ARHGAP32: variants seen among roughly 807,000 people sequenced by gnomAD.
ARHGAP32 encodes rho GTPase-activating protein 32.
A neutral mutation model predicts 186.5 loss-of-function variants in ARHGAP32; 51 were observed. The ratio of observed to expected loss-of-function variants is 0.27; its 90% CI spans 0.22 to 0.35. The LOEUF (loss-of-function observed/expected upper bound fraction) is 0.35, where lower values mean the gene tolerates loss of function less well. ARHGAP32 is among the 10% of genes least tolerant of loss of function. The pLI is 1.00. For missense variants in ARHGAP32, 2,186 were observed against 2,623.5 expected, an observed-to-expected ratio of 0.83 and a Z score of 3.64; for synonymous variants, 950 against 964.3, an observed-to-expected ratio of 0.99 and a Z score of 0.27.
intron 5 of ARHGAP32, among the ~76,000 whole-genome samples, chr11:129,097,100 T>C (rs1349875357): frequency 2.0e-5 from 3 of 150,972 alleles, no homozygotes; most frequent in African/African-American, 7.3e-5. Flanking sequence ...TAGATTCAAA[T>C]GTCCATTTTT....
At chr11:129,104,246 C>A (rs1941986356) in intron 5 of ARHGAP32, among the ~76,000 whole-genome samples, 1 of 151,786 alleles carries the variant, frequency 6.6e-6, no homozygotes, top group Admixed American at 6.6e-5. Flanking sequence ...AAATATTGAA[C>A]AAGAAATTCA....
At chr11:129,236,329 A>G (rs762631763) in intron 1 of ARHGAP32, among the ~76,000 whole-genome samples, 2 of 152,164 alleles carry the variant, frequency 1.3e-5, no homozygotes, top group Non-Finnish European at 2.9e-5. Flanking sequence ...AGTGATGTTG[A>G]GCATTTTTCC....
intron 2 of ARHGAP32, among the ~76,000 whole-genome samples, chr11:129,148,902 T>C (rs1318550776): frequency 2.0e-5 from 3 of 152,152 alleles, no homozygotes; most frequent in African/African-American, 7.2e-5. Flanking sequence ...CCCATTGGCC[T>C]GAGAACCACC....
chr11:129,003,403 C>A (rs983215772), intron 11 of ARHGAP32, among the ~76,000 whole-genome samples: 3 of 152,020 alleles, frequency 2.0e-5, no homozygotes, highest in Non-Finnish European at 4.4e-5. Flanking sequence ...TTGTAGAATT[C>A]GTTTGGAAGT....
chr11:129,064,563 C>T lies in ARHGAP32; in HGVS notation c.762+278G>A, dbSNP rs376420015. 6.6e-5 allele frequency among the ~76,000 whole-genome samples: 10 copies of T among 152,220 alleles called. No homozygotes were observed. The East Asian group carries it at 1.7e-3, about 26-fold the overall frequency. On this transcript the variant is annotated intron_variant, in intron 8 of 22. Transcript: ENST00000682385. ...TTACTAAGTCAACTAAAAAAATGTACACCTTGCTGAATATATACATTAGTA... is the reference window on the plus strand; with the variant it reads ...TTACTAAGTCAACTAAAAAAATGTATACCTTGCTGAATATATACATTAGTA...
At chr11:129,212,812 G>A (rs1944597463) in intron 1 of ARHGAP32, among the ~76,000 whole-genome samples, 1 of 151,614 alleles carries the variant, frequency 6.6e-6, no homozygotes, top group South Asian at 2.1e-4. Flanking sequence ...AATATCACAT[G>A]TACCCCATAA....
chr11:129,013,931 A>G (rs1165001349), intron 11 of ARHGAP32, among the ~76,000 whole-genome samples: 1 of 152,182 alleles, frequency 6.6e-6, no homozygotes, highest in Non-Finnish European at 1.5e-5. Flanking sequence ...TTACAAACCC[A>G]TTTCTACAGA....
At chr11:129,157,876 G>A (rs977776668) in intron 2 of ARHGAP32, among the ~76,000 whole-genome samples, 2 of 152,120 alleles carry the variant, frequency 1.3e-5, no homozygotes, top group African/African-American at 4.8e-5. Context: ...ACTGACAGCA[G>A]AGCTCTGCAG....
rs746824377 is a variant in ARHGAP32, at chr11:128,970,247, C to G, written c.4966G>C (p.Glu1656Gln). 6.2e-7 allele frequency: 1 copy of G among 1,614,126 alleles called. No homozygotes were observed. The highest frequency in any genetic ancestry group is 1.7e-5 in the Admixed American group (1 of 60,020). The change falls in exon 23 of 23, where the codon GAG (glutamate) becomes CAG (glutamine). Residue 1656 changes from glutamate to glutamine, a missense_variant. Transcript: ENST00000682385. This position sits in a 1 kb window ranked among gnomAD's most constrained non-coding sequence, Gnocchi z 5.8. ...YHVTQLQPYF[E>Q]NGRVHYRYSP... ...TACCTGTAGTGGACCCGGCCATTCT[C>G]AAAGTAAGGCTGAAGCTGAGTGACA... is the stretch of plus-strand genomic sequence containing the variant.
At chr11:129,005,148 AAC>A in intron 11 of ARHGAP32, among the ~76,000 whole-genome samples, 1 of 151,416 alleles carries the variant, frequency 6.6e-6, no homozygotes, top group South Asian at 2.1e-4. Context: ...AAAGAAAACT[AAC>A]AGACTGTATG....
At chr11:129,153,199 G>A (rs1378846912) in intron 2 of ARHGAP32, among the ~76,000 whole-genome samples, 1 of 150,998 alleles carries the variant, frequency 6.6e-6, no homozygotes, top group Admixed American at 6.6e-5. Flanking sequence ...ATCTCTACAA[G>A]GAAAACTGCA....
chr11:129,156,071 C>G (rs1458937199), intron 2 of ARHGAP32, among the ~76,000 whole-genome samples: 3 of 152,230 alleles, frequency 2.0e-5, no homozygotes, highest in Non-Finnish European at 4.4e-5. Context: ...AAATACTACG[C>G]TTTTCACATG....
chr11:129,135,149 G>A (rs973035893), intron 2 of ARHGAP32, among the ~76,000 whole-genome samples: 8 of 152,174 alleles, frequency 5.3e-5, no homozygotes, highest in Admixed American at 6.5e-5. Flanking sequence ...AATATTATCT[G>A]TAGACTTATC....
At chr11:128,990,099 T>C (rs147549687) in intron 12 of ARHGAP32, among the ~76,000 whole-genome samples, 127 of 152,298 alleles carry the variant, frequency 8.3e-4, no homozygotes, top group African/African-American at 3.0e-3. Context: ...CCAACCATGC[T>C]ATGACTTCTT....
rs1476783491 is a variant in ARHGAP32 at position 128,988,067 on chromosome 11, T to G, written c.1254A>C (p.Gly418=). The change falls in exon 13 of 23, where the codon GGA becomes GGC. Residue 418 remains glycine, a synonymous_variant. Coordinates refer to ENST00000682385, the MANE Select transcript of ARHGAP32 (RefSeq NM_001378024.1). ...AFIERYGIVD[G]IYRLSGVASN... ...AGGCAACACCAGAAAGGCGATAGAT[T>G]CCATCCACGATGCCATATCTCTCAA... 5.0e-6 allele frequency: 8 copies of G among 1,613,480 alleles called. No homozygotes were observed. Among genetic ancestry groups the G allele is most frequent in the Non-Finnish European group, 6.8e-6 (8 of 1,179,656 alleles).
Position 129,096,152 on chromosome 11 carries a change from A to C in ARHGAP32, c.445-2445T>G, listed in dbSNP as rs984217918. ...GAATTACAAAACACACAGATAAGCA[A>C]GCAAATGTGACACATGGTCATGAGA... On this transcript the variant is annotated intron_variant, in intron 5 of 22. Transcript: ENST00000682385. Among the ~76,000 whole-genome samples the C allele has an allele frequency of 3.3e-5, 5 of 152,206 alleles. No homozygotes were observed. The East Asian group carries it at 7.7e-4, about 23-fold the overall frequency.
chr11:129,110,580 G>A (rs755046105), intron 5 of ARHGAP32, among the ~76,000 whole-genome samples: 2 of 151,982 alleles, frequency 1.3e-5, no homozygotes, highest in Non-Finnish European at 2.9e-5. Context: ...GAGCATGGGA[G>A]GTCTCCATTT....
chr11:129,088,672 T>A (rs1941481654), intron 6 of ARHGAP32, among the ~76,000 whole-genome samples: 2 of 152,160 alleles, frequency 1.3e-5, no homozygotes, highest in South Asian at 4.1e-4. Flanking sequence ...TTCAATGACT[T>A]TGTAAAGGAA....
chr11:129,118,986 A>G (rs890408453), intron 5 of ARHGAP32, among the ~76,000 whole-genome samples: 4 of 152,058 alleles, frequency 2.6e-5, no homozygotes, highest in East Asian at 3.8e-4. Flanking sequence ...TATCTGTACT[A>G]ATTTTTACAG....
Sources: allele counts gnomAD v4.1 joint callset (sites outside exome capture counted in the v4.1 genomes callset), GRCh38; gene constraint gnomAD v4.1.1; non-coding constraint Gnocchi (gnomAD v3.1); transcripts MANE v1.5; gene names NCBI Gene and HGNC (gene_info 2026-07-23, HGNC 2026-07-21).